Variants in INPP5F observed in about 807,000 individuals in gnomAD.
INPP5F encodes the protein phosphatidylinositide 4-phosphatase SAC2.
INPP5F carries 97 observed loss-of-function variants against 137.2 expected under a neutral mutation model. The observed-to-expected ratio is 0.71, with a 90% confidence interval of 0.60 to 0.84. INPP5F has a LOEUF of 0.84. INPP5F is among the 40% of genes least tolerant of loss of function. The pLI, the probability that INPP5F is intolerant of heterozygous loss-of-function variation, is 0.00. For synonymous variants in INPP5F, 504 were observed against 476.9 expected, an observed-to-expected ratio of 1.06 and a Z score of -0.74; for missense variants, 1,271 against 1,371.9, an observed-to-expected ratio of 0.93 and a Z score of 1.16.
intron 2 of INPP5F, among the ~76,000 whole-genome samples, chr10:119,765,886 GAGAGA>G (rs1169604454): frequency 7.2e-6 from 1 of 139,278 alleles, no homozygotes; most frequent in African/African-American, 2.7e-5. Context: ...TATATAGAGA[GAGAGA>G]GAGAGAGACG....
chr10:119,772,101 T>C (rs1371301857), intron 2 of INPP5F, among the ~76,000 whole-genome samples: 1 of 151,558 alleles, frequency 6.6e-6, no homozygotes, highest in South Asian at 2.1e-4. Flanking sequence ...GGTTTCACCA[T>C]GTTAGCCAGG....
intron 15 of INPP5F, among the ~76,000 whole-genome samples, chr10:119,813,515 C>G (rs1446788520): frequency 6.6e-6 from 1 of 152,028 alleles, no homozygotes; most frequent in Non-Finnish European, 1.5e-5. Context: ...ATCCCAGCTA[C>G]TCGGGAGGCT....
At chr10:119,796,043 G>C (rs1035056794) in intron 6 of INPP5F, among the ~76,000 whole-genome samples, 2 of 149,608 alleles carry the variant, frequency 1.3e-5, no homozygotes, top group Admixed American at 1.3e-4. Flanking sequence ...GTCCAGCTTC[G>C]GCTGGGCATC....
At chr10:119,788,821 G>A (rs568762009) in intron 3 of INPP5F, among the ~76,000 whole-genome samples, 10 of 152,376 alleles carry the variant, frequency 6.6e-5, no homozygotes, top group African/African-American at 2.4e-4. Flanking sequence ...GTCTTTCTGA[G>A]TGAGGAAAAC....
chr10:119,793,932 C>T (rs1226283859), intron 6 of INPP5F, among the ~76,000 whole-genome samples: 4 of 152,224 alleles, frequency 2.6e-5, no homozygotes, highest in African/African-American at 7.2e-5. Flanking sequence ...GGCATTGATC[C>T]ACTGCAACTG....
At chr10:119,823,946 A>G (rs1446757961) in intron 19 of INPP5F, 44 bp downstream of exon 19, 3 of 1,427,208 alleles carry the variant, frequency 2.1e-6, no homozygotes, top group Non-Finnish European at 2.0e-6. Context: ...TTCTTATCCA[A>G]GGTCTTATTT....
At chr10:119,755,895 C>A (rs527322645) in intron 2 of INPP5F, among the ~76,000 whole-genome samples, 1 of 152,174 alleles carries the variant, frequency 6.6e-6, no homozygotes, top group South Asian at 2.1e-4. Context: ...TGGTGGCTCA[C>A]GCCTGTAATC....
intron 12 of INPP5F, 80 bp from the exon 13 acceptor site, chr10:119,807,852 T>C (rs1850855563): frequency 7.4e-7 from 1 of 1,358,224 alleles, no homozygotes; most frequent in East Asian, 2.4e-5. Flanking sequence ...TATGAATATG[T>C]TTCCTTTTTC....
chr10:119,757,066 AC>A (rs1589682886), intron 2 of INPP5F, among the ~76,000 whole-genome samples: 1 of 113,310 alleles, frequency 8.8e-6, no homozygotes, highest in East Asian at 2.3e-4. Context: ...AGATTTCTTT[AC>A]TTTATTTATT....
At chr10:119,775,545 A>G (rs1028197606) in intron 2 of INPP5F, among the ~76,000 whole-genome samples, 3 of 152,200 alleles carry the variant, frequency 2.0e-5, no homozygotes, top group Non-Finnish European at 2.9e-5. Context: ...GATTACAAGC[A>G]TGGGCCATGG....
intron 2 of INPP5F, among the ~76,000 whole-genome samples, chr10:119,771,887 T>TATATACA (rs1564820110): frequency 2.7e-5 from 1 of 37,326 alleles, no homozygotes. Flanking sequence ...TATATATTTT[T>TATATACA]TTTTTTTTTT....
rs1850397878 is a variant in INPP5F at position 119,796,725 on chromosome 10, T to G, written c.680T>G (p.Val227Gly). 6.2e-7 allele frequency: 1 copy of G among 1,613,620 alleles called. No homozygotes were observed. The highest frequency in any genetic ancestry group is 8.5e-7 in the Non-Finnish European group (1 of 1,179,474). Residue 227 changes from valine to glycine, a missense_variant, in exon 7 of 20, where the codon GTG (valine) becomes GGG (glycine). By Grantham distance (109) the Val-to-Gly change is moderately radical. This residue lies in a region of INPP5F where 593 missense variants were observed against 712.4 expected (regional missense o/e 0.83). Transcript: ENST00000650623. The part of the protein sequence containing the change: ...QDLTEIGTPD[V>G]DFWIIPMIQG... ...TCATTTTGTTTTCAGACTCCAGATG[T>G]GGACTTTTGGATTATCCCCATGATC...
At chr10:119,820,741 C>A in intron 15 of INPP5F, 105 bp from the exon 16 acceptor site, 1 of 812,186 alleles carries the variant, frequency 1.2e-6, no homozygotes, top group Non-Finnish European at 2.2e-6. Flanking sequence ...TTTTCCCTCC[C>A]CCTGGCCAAT....
intron 3 of INPP5F, among the ~76,000 whole-genome samples, chr10:119,786,362 C>G (rs760753533): frequency 1.9e-4 from 29 of 151,974 alleles, no homozygotes; most frequent in Non-Finnish European, 3.8e-4. Flanking sequence ...CATTGTAATC[C>G]CTGGGGCTCT....
In INPP5F at chr10:119,804,246, T is replaced by C. The variant is rs758733537; in HGVS notation, c.1190T>C (p.Leu397Pro). 3 of 1,613,060 alleles carry C rather than the reference T, an allele frequency of 1.9e-6. No individual in the cohort carries two copies. The highest frequency in any genetic ancestry group is 1.7e-5 in the Admixed American group (1 of 59,678). ...GATGCTTACCTGAAGCAAGTGTTGC[T>C]TTTCAACAACTCACACCTCACTTAC... The part of the protein sequence containing the change: ...IGDAYLKQVL[L>P]FNNSHLTYVS... The change falls in exon 10 of 20, where the codon CTT becomes CCT. Residue 397 changes from leucine to proline, a missense_variant. Coordinates refer to ENST00000650623, the MANE Select transcript of INPP5F (RefSeq NM_014937.4).
At chr10:119,727,911 TG>T (rs1847938549) in intron 1 of INPP5F, among the ~76,000 whole-genome samples, 1 of 152,212 alleles carries the variant, frequency 6.6e-6, no homozygotes, top group Admixed American at 6.5e-5. Context: ...ATTCCTAGGT[TG>T]TCAAAAGAGT....
At position 119,791,973 on chromosome 10, in the gene INPP5F, C is replaced by T. The variant is rs758938708; in HGVS notation, c.549C>T (p.Asp183=). Residue 183 remains aspartate, a synonymous_variant, in exon 5 of 20, where the codon GAC becomes GAT. Coordinates refer to ENST00000650623, the MANE Select transcript of INPP5F (RefSeq NM_014937.4). ...SESFYYSLTY[D]LTNSVQRQST... ...CCTTTTATTATAGCTTGACCTATGA[C>T]CTGACCAATTCCGTGCAGAGGCAGA... is the stretch of plus-strand genomic sequence containing the variant. 2.5e-6 allele frequency: 4 copies of T among 1,614,194 alleles called. No individual in the cohort carries two copies. The highest frequency in any genetic ancestry group is 2.2e-5 in the East Asian group (1 of 44,886).
At chr10:119,812,937 CT>C (rs1449625304) in intron 15 of INPP5F, among the ~76,000 whole-genome samples, 13 of 151,158 alleles carry the variant, frequency 8.6e-5, no homozygotes, top group Admixed American at 1.3e-4. Flanking sequence ...AAAAAGAGTA[CT>C]TTTACTTCCC....
intron 1 of INPP5F, among the ~76,000 whole-genome samples, chr10:119,726,654 G>A (rs982911516): frequency 6.6e-6 from 1 of 152,240 alleles, no homozygotes; most frequent in African/African-American, 2.4e-5. Flanking sequence ...GAGGGGAGGG[G>A]GTCCCCTCCG....
Sources: gnomAD v4.1 joint callset for allele counts (sites outside exome capture counted in the v4.1 genomes callset) on GRCh38, gnomAD v4.1.1 for gene constraint, gnomAD v4.1.1 regional missense constraint, MANE v1.5 for transcripts, NCBI Gene and HGNC (gene_info 2026-07-23, HGNC 2026-07-21) for gene names.